Variants in DNAH9 observed in about 807,000 individuals in gnomAD.
DNAH9 encodes the protein DNAH9 variant protein.
A neutral mutation model predicts 471.6 loss-of-function variants in DNAH9; 345 were observed. The ratio of observed to expected loss-of-function variants is 0.73; its 90% CI spans 0.67 to 0.80. The LOEUF (loss-of-function observed/expected upper bound fraction) is 0.80, where lower values mean the gene tolerates loss of function less well. Ranked by LOEUF, DNAH9 falls within the 30% of genes least tolerant of loss-of-function variation. DNAH9 has a pLI of 0.00. For synonymous variants in DNAH9, 2,093 were observed against 2,123.6 expected (o/e 0.99, Z 0.40); for missense variants, 5,407 against 5,609.2 (o/e 0.96, Z 1.15).
chr17:11,803,023 A>C (rs1383317237), intron 43 of DNAH9, among the ~76,000 whole-genome samples: 4 of 152,198 alleles, frequency 2.6e-5, no homozygotes, highest in Non-Finnish European at 5.9e-5. Flanking sequence ...GGAAATTAGG[A>C]TATTAAGAAT....
At chr17:11,864,506 G>A (rs941940619) in intron 50 of DNAH9, among the ~76,000 whole-genome samples, 1 of 149,844 alleles carries the variant, frequency 6.7e-6, no homozygotes, top group Non-Finnish European at 1.5e-5. Context: ...CTGTTGATTT[G>A]GGGTGGAGAG....
rs1314495509 is a variant in DNAH9 at position 11,875,071 on chromosome 17, T to G, written c.10365T>G (p.Ile3455Met). The G allele has an allele frequency of 3.7e-6, 6 of 1,613,956 alleles. No homozygotes were observed. Among genetic ancestry groups the G allele is most frequent in the Non-Finnish European group, 5.1e-6 (6 of 1,180,030 alleles). ...ADRMSVENAT[I>M]LINCERWPLM... Reference sequence around the variant, plus strand: ...GCATGTCCGTGGAGAATGCCACCATTCTCATCAACTGTGAGCGCTGGCCAC... The same window carrying G: ...GCATGTCCGTGGAGAATGCCACCATGCTCATCAACTGTGAGCGCTGGCCAC... The change falls in exon 53 of 69, where the codon ATT (isoleucine) becomes ATG (methionine). Residue 3455 changes from isoleucine to methionine, a missense_variant. Transcript: ENST00000262442.
chr17:11,812,007 AAAAAAAAAAAAAAAAAAAAATATAT>A lies in DNAH9; in HGVS notation c.8707+1640_8707+1664del, dbSNP rs1267535852. The stretch of plus-strand genomic sequence containing the variant: ...TCTGTCTCAAAAAAAAAAAAAAAAA[AAAAAAAAAAAAAAAAAAAAATATAT>A]ATATATATATATATATATATATACA... On this transcript the variant is annotated intron_variant, in intron 45 of 68. Coordinates refer to ENST00000262442, the MANE Select transcript of DNAH9 (RefSeq NM_001372.4). Among the ~76,000 whole-genome samples, 138 of 53,590 alleles carry A rather than the reference AAAAAAAAAAAAAAAAAAAAATATAT, an allele frequency of 2.6e-3. 1 individual carries two copies. The highest frequency in any genetic ancestry group is 0.013 in the African/African-American group (133 of 10,500). The allele number at this position is 53,590 out of a possible 152,430, so 35.2% of individuals were successfully genotyped here. A position where few individuals can be genotyped will look rare whatever the true frequency, so the allele number is the denominator to read the frequency against.
chr17:11,753,682 GGCTGTTAAGCTGGTA>G (rs2150853939), intron 33 of DNAH9, among the ~76,000 whole-genome samples: 1 of 152,278 alleles, frequency 6.6e-6, no homozygotes, highest in African/African-American at 2.4e-5. Context: ...ACTAGCTGGT[GGCTGTTAAGCTGGTA>G]GCTGTTTGTA....
chr17:11,639,364 A>C (rs990890721), intron 9 of DNAH9, among the ~76,000 whole-genome samples: 12 of 152,238 alleles, frequency 7.9e-5, no homozygotes, highest in African/African-American at 2.7e-4. Flanking sequence ...ATTCTTGCTA[A>C]TCTTCTCATT....
chr17:11,634,041 A>G (rs1304920117), intron 8 of DNAH9, among the ~76,000 whole-genome samples: 2 of 152,070 alleles, frequency 1.3e-5, no homozygotes, highest in African/African-American at 4.8e-5. Flanking sequence ...CAATCCTTGA[A>G]ATTTTATGGG....
At chr17:11,822,379 C>G (rs901680667) in intron 46 of DNAH9, 59 bp from the exon 47 acceptor site, 3 of 1,594,140 alleles carry the variant, frequency 1.9e-6, no homozygotes, top group Non-Finnish European at 2.6e-6. Flanking sequence ...CCATATCTGC[C>G]TCTCCGTGAG....
intron 38 of DNAH9, among the ~76,000 whole-genome samples, chr17:11,777,955 TAATAAG>T (rs1968501527): frequency 6.6e-6 from 1 of 152,076 alleles, no homozygotes; most frequent in African/African-American, 2.4e-5. Flanking sequence ...ATACACAAGA[TAATAAG>T]TAAAGATATA....
chr17:11,941,402 TTCTC>T (rs1452149295), intron 66 of DNAH9, among the ~76,000 whole-genome samples: 1 of 152,168 alleles, frequency 6.6e-6, no homozygotes, highest in Non-Finnish European at 1.5e-5. Context: ...TCATTTTTCT[TTCTC>T]TGCTGACAGA....
At chr17:11,747,875 T>C in intron 32 of DNAH9, 109 bp downstream of exon 32, 2 of 1,026,206 alleles carry the variant, frequency 1.9e-6, no homozygotes, top group South Asian at 2.9e-5. Context: ...ACTGATCTGT[T>C]TGGAACCGCG....
chr17:11,813,488 G>C (rs1969993291), intron 45 of DNAH9, among the ~76,000 whole-genome samples: 1 of 152,116 alleles, frequency 6.6e-6, no homozygotes, highest in African/African-American at 2.4e-5. Flanking sequence ...AACTTTGTGG[G>C]GTTATGCAAT....
At chr17:11,723,923 T>G (rs892184460) in intron 27 of DNAH9, among the ~76,000 whole-genome samples, 9 of 152,172 alleles carry the variant, frequency 5.9e-5, no homozygotes, top group African/African-American at 2.2e-4. Flanking sequence ...TCCGCCCGCC[T>G]CAGCCTCCCA....
intron 61 of DNAH9, among the ~76,000 whole-genome samples, chr17:11,906,016 C>A (rs1597810565): frequency 6.6e-6 from 1 of 152,302 alleles, no homozygotes; most frequent in East Asian, 1.9e-4. Context: ...AGGCAGAACT[C>A]ACAGTCCCAG....
At position 11,689,658 on chromosome 17, in the gene DNAH9, C is replaced by A; in HGVS notation, c.3836C>A (p.Ala1279Asp). The change falls in exon 20 of 69, where the codon GCC becomes GAC. Residue 1279 changes from alanine to aspartate, a missense_variant. Coordinates refer to ENST00000262442, the MANE Select transcript of DNAH9 (RefSeq NM_001372.4). ...ACTATGGCCTCCATTTCTGAGTCTGCCAGCTTATTTGAAGTCAATGTCCCT... is the reference window on the plus strand; with the variant it reads ...ACTATGGCCTCCATTTCTGAGTCTGACAGCTTATTTGAAGTCAATGTCCCT... ...ESTMASISESASLFEVNVPDY... is the reference protein window; with the variant it reads ...ESTMASISESDSLFEVNVPDY... 6.2e-7 allele frequency: 1 copy of A among 1,614,136 alleles called. No homozygotes were observed. The highest frequency in any genetic ancestry group is 8.5e-7 in the Non-Finnish European group (1 of 1,180,000).
At chr17:11,698,495 A>G (rs2074534066) in intron 22 of DNAH9, among the ~76,000 whole-genome samples, 1 of 150,464 alleles carries the variant, frequency 6.6e-6, no homozygotes. Flanking sequence ...TTTAATTTGC[A>G]TTTGTTTTTC....
At chr17:11,642,418 G>A (rs1410793742) in intron 10 of DNAH9, among the ~76,000 whole-genome samples, 1 of 151,980 alleles carries the variant, frequency 6.6e-6, no homozygotes, top group African/African-American at 2.4e-5. Context: ...GGCAGGGGGC[G>A]GGGGGCGCCT....
At chr17:11,908,225 G>A (rs1026824006) in intron 61 of DNAH9, among the ~76,000 whole-genome samples, 7 of 152,180 alleles carry the variant, frequency 4.6e-5, no homozygotes, top group Admixed American at 2.6e-4. Context: ...AAAAATCCAT[G>A]TGTAAGTGGA....
chr17:11,820,088 C>A (rs930846621), intron 45 of DNAH9, among the ~76,000 whole-genome samples: 2 of 151,980 alleles, frequency 1.3e-5, no homozygotes, highest in Non-Finnish European at 2.9e-5. Context: ...GGGGTGATAT[C>A]TATTATTAAA....
At chr17:11,667,407 A>G (rs539457309) in intron 15 of DNAH9, among the ~76,000 whole-genome samples, 31 of 152,272 alleles carry the variant, frequency 2.0e-4, no homozygotes, top group African/African-American at 5.8e-4. Context: ...CCTGAGTCCA[A>G]TCTTGTGTTC....
Sources: gnomAD v4.1 joint callset for allele counts (sites outside exome capture counted in the v4.1 genomes callset) on GRCh38, gnomAD v4.1.1 for gene constraint, MANE v1.5 for transcripts, NCBI Gene and HGNC (gene_info 2026-07-23, HGNC 2026-07-21) for gene names.